Variants in SYNE1 observed in about 807,000 individuals in gnomAD.
SYNE1 encodes nesprin-1.
A neutral mutation model predicts 1,111.0 loss-of-function variants in SYNE1; 616 were observed. That is an observed-to-expected ratio of 0.55 (90% confidence interval 0.52 to 0.59). The LOEUF is 0.59. Among genes scored for constraint, SYNE1 ranks in the 20% least tolerant of loss-of-function variants. The probability of loss-of-function intolerance (pLI) is 0.00; values close to 1 mark genes in which losing one functional copy is unlikely to be tolerated. For synonymous variants in SYNE1, 3,855 were observed against 3,825.8 expected, an observed-to-expected ratio of 1.01 and a Z score of -0.28; for missense variants, 10,006 against 10,417.0, an observed-to-expected ratio of 0.96 and a Z score of 1.72.
chr6:152,632,884 C>T (rs920372448), intron 2 of SYNE1, among the ~76,000 whole-genome samples: 1 of 151,626 alleles, frequency 6.6e-6, no homozygotes, highest in East Asian at 1.9e-4. Context: ...TTCCCCTGTT[C>T]CCAGTTTCTC....
intron 108 of SYNE1, 46 bp downstream of exon 108, chr6:152,239,487 C>T: frequency 6.2e-7 from 1 of 1,612,256 alleles, no homozygotes; most frequent in Non-Finnish European, 8.5e-7. Context: ...GTCTATTTTG[C>T]AGCAGGAAGT....
At chr6:152,583,503 T>C (rs531464932) in intron 3 of SYNE1, among the ~76,000 whole-genome samples, 50 of 152,362 alleles carry the variant, frequency 3.3e-4, no homozygotes, top group Non-Finnish European at 4.6e-4. Flanking sequence ...AATCTATAAA[T>C]GTTGCCTGTT....
intron 120 of SYNE1, among the ~76,000 whole-genome samples, chr6:152,218,669 C>T (rs2153455399): frequency 6.6e-6 from 1 of 152,252 alleles, no homozygotes; most frequent in Non-Finnish European, 1.5e-5. Context: ...AACAACACGT[C>T]TGAAAAATCT....
intron 110 of SYNE1, among the ~76,000 whole-genome samples, chr6:152,235,464 C>T (rs531213924): frequency 6.6e-5 from 10 of 152,138 alleles, no homozygotes; most frequent in Middle Eastern, 3.4e-3. Context: ...CGGGTTCAAG[C>T]GATTCTCCTG....
Position 152,481,866 on chromosome 6 carries a change from C to T in SYNE1, c.1350+1219G>A, listed in dbSNP as rs577066011. The stretch of plus-strand genomic sequence containing the variant: ...GGGCACTAAGGCACAGATAAGCAGG[C>T]CCCGCTTTTATTTGTGAGTATCTGC... On this transcript the variant is annotated intron_variant, in intron 14 of 145. Coordinates refer to ENST00000367255, the MANE Select transcript of SYNE1 (RefSeq NM_182961.4). Among the ~76,000 whole-genome samples, 4 of 150,954 alleles carry T rather than the reference C, an allele frequency of 2.6e-5. No individual in the cohort carries two copies. The East Asian group carries it at 5.8e-4, about 22-fold the overall frequency.
rs749017355 is a variant in SYNE1 at position 152,300,655 on chromosome 6, C to T, written c.17668G>A (p.Ala5890Thr). Residue 5890 changes from alanine (A) to threonine (T), a missense_variant, in exon 93 of 146, where the codon GCT becomes ACT. By Grantham distance (58) the Ala-to-Thr change is moderately conservative. Transcript: ENST00000367255. Reference protein sequence around the residue: ...RSPSPVANTDASVNQDIAYYQ... With the variant: ...RSPSPVANTDTSVNQDIAYYQ... ...CTGGGAGGTACCTGGTTAACAGAAG[C>T]ATCTGTATTAGCCACAGGTGAAGGG... The T allele has an allele frequency of 6.2e-7, 1 of 1,614,044 alleles. No individual in the cohort carries two copies. The highest frequency in any genetic ancestry group is 1.1e-5 in the South Asian group (1 of 91,080).
At chr6:152,411,769 C>G (rs141070972) in intron 42 of SYNE1, among the ~76,000 whole-genome samples, 2 of 151,074 alleles carry the variant, frequency 1.3e-5, no homozygotes, top group Non-Finnish European at 2.9e-5. Context: ...ACACATCTAG[C>G]AGAATGTCAA....
chr6:152,519,999 A>G (rs2099131102), intron 6 of SYNE1, among the ~76,000 whole-genome samples: 1 of 152,182 alleles, frequency 6.6e-6, no homozygotes, highest in Admixed American at 6.5e-5. Flanking sequence ...ACATTATGCA[A>G]AATAACTGAC....
chr6:152,635,651 T>C (rs2129043755), intron 2 of SYNE1, among the ~76,000 whole-genome samples: 1 of 152,346 alleles, frequency 6.6e-6, no homozygotes, highest in East Asian at 1.9e-4. Context: ...TATACGAATG[T>C]TGTCTTTAGG....
intron 45 of SYNE1, among the ~76,000 whole-genome samples, chr6:152,405,498 A>G (rs2097884534): frequency 6.6e-6 from 1 of 152,242 alleles, no homozygotes; most frequent in African/African-American, 2.4e-5. Context: ...ACGTAACAGT[A>G]GTGATATGTA....
Position 152,218,273 on chromosome 6 carries a change from C to T in SYNE1, c.22175G>A (p.Arg7392Lys), listed in dbSNP as rs1355964423. The T allele has an allele frequency of 1.9e-5, 30 of 1,614,068 alleles. No individual in the cohort carries two copies. Among genetic ancestry groups the T allele is most frequent in the Non-Finnish European group, 2.5e-5 (30 of 1,179,990 alleles). The change falls in exon 121 of 146, where the codon AGG becomes AAG. Residue 7392 changes from arginine to lysine, a missense_variant. Arg to Lys is a conservative substitution (Grantham distance 26, BLOSUM62 2). Coordinates refer to ENST00000367255, the MANE Select transcript of SYNE1 (RefSeq NM_182961.4). ...HSSDLSTIQE[R>K]MEELKGQMLK... Reference sequence around the variant, plus strand: ...CACACTTACCTTAAGTTCTTCCATCCTTTCCTGGATTGTGGAGAGGTCAGA... The same window carrying T: ...CACACTTACCTTAAGTTCTTCCATCTTTTCCTGGATTGTGGAGAGGTCAGA...
At chr6:152,290,354 C>T (rs111656910) in intron 95 of SYNE1, among the ~76,000 whole-genome samples, 3,375 of 152,154 alleles carry the variant, frequency 0.022, 145 homozygotes, top group African/African-American at 0.076. Flanking sequence ...GTCAGGAGTT[C>T]GAGACCAGCC....
At chr6:152,252,992 T>C (rs910194512) in intron 104 of SYNE1, among the ~76,000 whole-genome samples, 2 of 152,148 alleles carry the variant, frequency 1.3e-5, no homozygotes, top group African/African-American at 4.8e-5. Context: ...ATATGGGGAA[T>C]GAGAGCAAAA....
chr6:152,560,915 C>T (rs985121852), intron 3 of SYNE1, among the ~76,000 whole-genome samples: 1 of 152,078 alleles, frequency 6.6e-6, no homozygotes, highest in Non-Finnish European at 1.5e-5. Context: ...GAATGTATCT[C>T]AACACAATAA....
intron 138 of SYNE1, among the ~76,000 whole-genome samples, chr6:152,142,262 G>A (rs2813483): frequency 0.36 from 54,690 of 151,970 alleles, 10,889 homozygotes; most frequent in African/African-American, 0.52. Flanking sequence ...TTTAAAACTC[G>A]GAGCCCTCAG....
At position 152,256,563 on chromosome 6, in the gene SYNE1, C is replaced by A. The variant is rs186196414; in HGVS notation, c.19104+71G>T. On this transcript the variant is annotated intron_variant, in intron 102 of 145. Transcript: ENST00000367255. ...GGTGGATGCAACAGTCTCACAGAGG[C>A]CAGGCAAATCAATACAAGCAAAACA... is the stretch of plus-strand genomic sequence containing the variant. 9.3e-5 allele frequency: 149 copies of A among 1,600,186 alleles called. No individual in the cohort carries two copies. In the African/African-American group the frequency reaches 1.8e-3, roughly 20 times the overall value.
chr6:152,399,903 A>G, intron 47 of SYNE1, 80 bp from the exon 48 acceptor site: 1 of 1,472,218 alleles, frequency 6.8e-7, no homozygotes, highest in Non-Finnish European at 9.4e-7. Flanking sequence ...GTACTGTTTT[A>G]CAATCTGAAA....
chr6:152,266,483 C>T (rs950336846), intron 100 of SYNE1, among the ~76,000 whole-genome samples: 10 of 152,254 alleles, frequency 6.6e-5, no homozygotes, highest in Admixed American at 1.3e-4. Flanking sequence ...AGTCTCACTT[C>T]GGGTTTATTA....
chr6:152,411,122 A>T (rs1489586), intron 42 of SYNE1, among the ~76,000 whole-genome samples: 24,843 of 152,150 alleles, frequency 0.16, 2,259 homozygotes, highest in East Asian at 0.36. Flanking sequence ...GTCATTTTTT[A>T]AAATGCATAT....
Sources: allele counts gnomAD v4.1 joint callset (sites outside exome capture counted in the v4.1 genomes callset), GRCh38; gene constraint gnomAD v4.1.1; transcripts MANE v1.5; gene names NCBI Gene and HGNC (gene_info 2026-07-23, HGNC 2026-07-21).